TMC3: variants seen among roughly 807,000 people sequenced by gnomAD.
The protein encoded by TMC3 is transmembrane channel like 3.
In TMC3, 98 loss-of-function variants were observed where a neutral mutation model predicts 110.6. That is an observed-to-expected ratio of 0.89 (90% CI 0.75 to 1.05). The LOEUF (loss-of-function observed/expected upper bound fraction) is 1.05, where lower values mean the gene tolerates loss of function less well. Ranked by LOEUF, TMC3 falls within the 50% of genes least tolerant of loss-of-function variation. The pLI is 0.00. For missense variants in TMC3, 1,319 were observed against 1,373.2 expected, an observed-to-expected ratio of 0.96 and a Z score of 0.62; for synonymous variants, 489 against 513.1, an observed-to-expected ratio of 0.95 and a Z score of 0.63.
chr15:81,340,108 G>T (rs964339273), intron 16 of TMC3, among the ~76,000 whole-genome samples: 2 of 152,190 alleles, frequency 1.3e-5, no homozygotes, highest in Non-Finnish European at 2.9e-5. Flanking sequence ...GGGCAGCTTA[G>T]ATCTGTTTGG....
Position 81,358,301 on chromosome 15 carries a change from A to C in TMC3, c.601-10T>G. 6.2e-7 allele frequency: 1 copy of C among 1,602,180 alleles called. No homozygotes were observed. Among genetic ancestry groups the C allele is most frequent in the South Asian group, 1.1e-5 (1 of 89,486 alleles). On this transcript the variant is annotated splice_polypyrimidine_tract_variant and intron_variant, in intron 6 of 21. Coordinates refer to ENST00000359440, the MANE Select transcript of TMC3 (RefSeq NM_001080532.3). ...AGTACTGGAGGTAGCCCTGCAAAGA[A>C]AACACTCAGTGTCATTTCTGCTTCC...
intron 14 of TMC3, 49 bp downstream of exon 14, chr15:81,343,868 A>G (rs1409335943): frequency 6.3e-7 from 1 of 1,591,682 alleles, no homozygotes; most frequent in Non-Finnish European, 8.6e-7. Flanking sequence ...ATGAGAAAGG[A>G]TGGATTTGGC....
chr15:81,367,231 T>C (rs924462098), intron 3 of TMC3, among the ~76,000 whole-genome samples: 1 of 152,214 alleles, frequency 6.6e-6, no homozygotes, highest in African/African-American at 2.4e-5. Context: ...AATATACATT[T>C]ATCTGATGGA....
chr15:81,362,708 C>CAT (rs1894215749), intron 3 of TMC3, among the ~76,000 whole-genome samples: 1 of 152,152 alleles, frequency 6.6e-6, no homozygotes, highest in African/African-American at 2.4e-5. Flanking sequence ...AACCACAAGA[C>CAT]ACAGTACAAA....
intron 16 of TMC3, among the ~76,000 whole-genome samples, chr15:81,340,185 A>G (rs1351603113): frequency 1.3e-5 from 2 of 149,202 alleles, no homozygotes; most frequent in African/African-American, 2.5e-5. Context: ...TTCAACTAGT[A>G]CTCTCTGTTG....
chr15:81,344,895 C>T lies in TMC3; in HGVS notation c.1389G>A (p.Arg463=), dbSNP rs746560443. Residue 463 remains arginine, a synonymous_variant, in exon 13 of 22, where the codon AGG becomes AGA. Coordinates refer to ENST00000359440, the MANE Select transcript of TMC3 (RefSeq NM_001080532.3). ...WSTSRPGMGL[R]RNNTWALEET... ...CTTCCAAGGCCCATGTGTTGTTTCT[C>T]CTGAGCCCCATTCCAGGCCGAGATG... 1 of 1,613,944 alleles carries T rather than the reference C, an allele frequency of 6.2e-7. No individual in the cohort carries two copies. Among genetic ancestry groups the T allele is most frequent in the Non-Finnish European group, 8.5e-7 (1 of 1,179,880 alleles).
rs531639962 is a variant in TMC3 at position 81,353,748 on chromosome 15, C to T, written c.936-1907G>A. ...GACAACATTGTGTAAAGACACATTT[C>T]TTGGAATGTGATCCTGTCACTATGC... On this transcript the variant is annotated intron_variant, in intron 9 of 21. Coordinates refer to ENST00000359440, the MANE Select transcript of TMC3 (RefSeq NM_001080532.3). 4.6e-5 allele frequency among the ~76,000 whole-genome samples: 7 copies of T among 152,336 alleles called. No homozygotes were observed. In the South Asian group the frequency reaches 1.4e-3, roughly 32 times the overall value.
At chr15:81,348,887 C>T (rs1351418500) in intron 11 of TMC3, among the ~76,000 whole-genome samples, 3 of 152,212 alleles carry the variant, frequency 2.0e-5, no homozygotes. Flanking sequence ...TCTTGGCTCA[C>T]CGCAACCTTG....
chr15:81,368,308 A>G lies in TMC3; in HGVS notation c.257T>C (p.Leu86Pro), dbSNP rs1325632708. 1 of 1,613,614 alleles carries G rather than the reference A, an allele frequency of 6.2e-7. No homozygotes were observed. Residue 86 changes from leucine to proline, a missense_variant, in exon 3 of 22, where the codon CTG becomes CCG. Coordinates refer to ENST00000359440, the MANE Select transcript of TMC3 (RefSeq NM_001080532.3). ...RALRQAKNIV[L>P]KFEGRLTRTR... ...CCTGGTCAGCCTCCCTTCAAACTTC[A>G]GCACAATGTTCTTCGCTTGTCTAAG...
intron 19 of TMC3, 154 bp downstream of exon 19, chr15:81,337,692 T>G: frequency 1.5e-6 from 1 of 683,044 alleles, no homozygotes; most frequent in African/African-American, 1.8e-5. Context: ...AAATAACTCT[T>G]GGACATCTGG....
At position 81,332,671 on chromosome 15, in the gene TMC3, C is replaced by A. The variant is rs770612274; in HGVS notation, c.3051G>T (p.Arg1017=). The change falls in exon 22 of 22, where the codon CGG becomes CGT. Residue 1017 remains arginine (R), a synonymous_variant. Coordinates refer to ENST00000359440, the MANE Select transcript of TMC3 (RefSeq NM_001080532.3). ...PAYVPRKPRS[R]NFQYPQPPLK... Reference sequence around the variant, plus strand: ...GAGGGGGCTGTGGGTATTGGAAATTCCGGGATCGTGGCTTTCTGGGCACAT... The same window carrying A: ...GAGGGGGCTGTGGGTATTGGAAATTACGGGATCGTGGCTTTCTGGGCACAT... The A allele has an allele frequency of 6.2e-7, 1 of 1,613,998 alleles. No homozygotes were observed. Among genetic ancestry groups the A allele is most frequent in the Admixed American group, 1.7e-5 (1 of 60,028 alleles).
rs1256271710 is a variant in TMC3 at position 81,332,700 on chromosome 15, C to T, written c.3022G>A (p.Ala1008Thr). The change falls in exon 22 of 22, where the codon GCC (alanine) becomes ACC (threonine). Residue 1008 changes from alanine (A) to threonine (T), a missense_variant. Physicochemically the swap from Ala to Thr is moderately conservative, Grantham distance 58. Transcript: ENST00000359440. Reference sequence around the variant, plus strand: ...GATCGTGGCTTTCTGGGCACATAGGCTGGCCTCTCAAGGTGACCCTCAAAA... The same window carrying T: ...GATCGTGGCTTTCTGGGCACATAGGTTGGCCTCTCAAGGTGACCCTCAAAA... ...EDFEGHLERP[A>T]YVPRKPRSRN... 1.2e-6 allele frequency: 2 copies of T among 1,613,848 alleles called. No individual in the cohort carries two copies. Among genetic ancestry groups the T allele is most frequent in the Admixed American group, 1.7e-5 (1 of 59,996 alleles).
At chr15:81,343,155 G>A in intron 15 of TMC3, 123 bp downstream of exon 15, 1 of 560,782 alleles carries the variant, frequency 1.8e-6, no homozygotes, top group Non-Finnish European at 3.3e-6. Context: ...TAATAATCTT[G>A]GAAACATCCC....
chr15:81,351,622 G>T, intron 10 of TMC3, 72 bp downstream of exon 10: 1 of 1,528,142 alleles, frequency 6.5e-7, no homozygotes, highest in East Asian at 2.5e-5. Context: ...AAAGTGCTGG[G>T]ATTACAGGCA....
chr15:81,349,824 A>C (rs1596085692), intron 10 of TMC3, among the ~76,000 whole-genome samples: 3 of 133,236 alleles, frequency 2.3e-5, no homozygotes, highest in Admixed American at 8.0e-5. Flanking sequence ...CCCATTTGGG[A>C]TTCACTAGGC....
chr15:81,343,402 C>A, intron 14 of TMC3, 57 bp from the exon 15 acceptor site: 1 of 1,138,578 alleles, frequency 8.8e-7, no homozygotes, highest in Non-Finnish European at 1.3e-6. Flanking sequence ...TTGCATGAAC[C>A]AATTAATTAC....
chr15:81,373,093 G>A (rs544285199), intron 1 of TMC3, among the ~76,000 whole-genome samples: 1 of 152,122 alleles, frequency 6.6e-6, no homozygotes, highest in East Asian at 1.9e-4. Flanking sequence ...AGCAATTTGG[G>A]TAGGCAAAAT....
intron 7 of TMC3, 92 bp downstream of exon 7, chr15:81,358,056 CT>C: frequency 7.2e-7 from 1 of 1,397,138 alleles, no homozygotes; most frequent in Non-Finnish European, 9.5e-7. Flanking sequence ...AGCAGTCATA[CT>C]TTTTTAAAAG....
chr15:81,372,806 C>T (rs1195801959), intron 1 of TMC3, 69 bp from the exon 2 acceptor site: 5 of 1,549,858 alleles, frequency 3.2e-6, no homozygotes, highest in Non-Finnish European at 4.4e-6. Flanking sequence ...TCATCTTGCC[C>T]TGGGCACAAG....
Sources: allele counts gnomAD v4.1 joint callset (sites outside exome capture counted in the v4.1 genomes callset), GRCh38; gene constraint gnomAD v4.1.1; transcripts MANE v1.5; gene names NCBI Gene and HGNC (gene_info 2026-07-23, HGNC 2026-07-21).